Variants in THSD4 observed in about 807,000 individuals in gnomAD.
THSD4 encodes thrombospondin type 1 domain containing 4.
THSD4 carries 69 observed loss-of-function variants against 119.0 expected under a neutral mutation model. The observed-to-expected ratio is 0.58, with a 90% CI of 0.48 to 0.71. THSD4 has a LOEUF of 0.71. Ranked by LOEUF, THSD4 falls within the 30% of genes least tolerant of loss-of-function variation. The pLI, the probability that THSD4 is intolerant of heterozygous loss-of-function variation, is 0.00. For synonymous variants in THSD4, 524 were observed against 540.4 expected, an observed-to-expected ratio of 0.97 and a Z score of 0.42; for missense variants, 1,393 against 1,391.1, an observed-to-expected ratio of 1.00 and a Z score of -0.02.
chr15:71,568,618 T>C (rs2049288770), intron 7 of THSD4, among the ~76,000 whole-genome samples: 3 of 152,028 alleles, frequency 2.0e-5, no homozygotes, highest in African/African-American at 7.2e-5. Flanking sequence ...TACTTTAAGT[T>C]CTAGGGTACA....
At chr15:71,160,032 A>T (rs1305751552) in intron 3 of THSD4, among the ~76,000 whole-genome samples, 1 of 152,110 alleles carries the variant, frequency 6.6e-6, no homozygotes, top group Non-Finnish European at 1.5e-5. Flanking sequence ...TCATGAAGGA[A>T]TGTTGAATTT....
intron 6 of THSD4, among the ~76,000 whole-genome samples, chr15:71,387,115 T>C (rs944161604): frequency 6.6e-5 from 10 of 152,274 alleles, no homozygotes; most frequent in Admixed American, 6.5e-4. Flanking sequence ...TGTTTTAGGC[T>C]TCTTAGGACT....
rs201956251 is a variant in THSD4 at position 71,559,577 on chromosome 15, G to A, written c.1153-100953G>A. Among the ~76,000 whole-genome samples, 5 of 132,856 alleles carry A rather than the reference G, an allele frequency of 3.8e-5. No individual in the cohort carries two copies. The East Asian group carries it at 1.2e-3, about 32-fold the overall frequency. The allele number at this position is 132,856 out of a possible 152,430, so 87.2% of individuals were successfully genotyped here. A position where few individuals can be genotyped will look rare whatever the true frequency, so the allele number is the denominator to read the frequency against. On this transcript the variant is annotated intron_variant, in intron 7 of 17. Coordinates refer to ENST00000261862, the MANE Select transcript of THSD4 (RefSeq NM_024817.3). ...CCTTCTTTTCCTCCTTTTTTTTTTT[G>A]CAATAAATGTTTATTGGGCAAGTAA...
chr15:71,266,458 C>A (rs1421811972), intron 6 of THSD4, among the ~76,000 whole-genome samples: 1 of 152,088 alleles, frequency 6.6e-6, no homozygotes, highest in East Asian at 1.9e-4. Context: ...ATATGAAGGT[C>A]ACCAACATCA....
chr15:71,701,417 G>A (rs1273662198), intron 8 of THSD4, among the ~76,000 whole-genome samples: 1 of 152,146 alleles, frequency 6.6e-6, no homozygotes, highest in Non-Finnish European at 1.5e-5. Context: ...AGTATTGAGT[G>A]TATAATGTAC....
intron 6 of THSD4, among the ~76,000 whole-genome samples, chr15:71,394,375 C>T (rs759717899): frequency 6.7e-6 from 1 of 148,326 alleles, no homozygotes; most frequent in African/African-American, 2.5e-5. Context: ...TGGGTTCAAG[C>T]GATTCTCCTG....
intron 16 of THSD4, among the ~76,000 whole-genome samples, chr15:71,769,290 GC>G (rs1162936333): frequency 6.5e-4 from 1 of 1,534 alleles, no homozygotes; most frequent in Admixed American, 0.012. Flanking sequence ...AGGGAGGTGG[GC>G]GGGGGGTCAG....
intron 6 of THSD4, among the ~76,000 whole-genome samples, chr15:71,383,152 C>T (rs867124209): frequency 1.2e-4 from 18 of 152,234 alleles, no homozygotes; most frequent in South Asian, 4.1e-4. Flanking sequence ...TTGAATTTCT[C>T]CAAATTGCTG....
At chr15:71,440,672 A>C (rs567734871) in intron 7 of THSD4, among the ~76,000 whole-genome samples, 3 of 152,164 alleles carry the variant, frequency 2.0e-5, no homozygotes, top group Admixed American at 2.0e-4. Flanking sequence ...TGATCGTGAC[A>C]TCTAGTGTTC....
intron 1 of THSD4, among the ~76,000 whole-genome samples, chr15:71,127,326 A>G (rs1039928038): frequency 7.2e-5 from 11 of 152,246 alleles, no homozygotes; most frequent in South Asian, 4.1e-4. Context: ...TGATGGACAC[A>G]TAGATTGATT....
At chr15:71,301,345 A>C (rs1460504345) in intron 6 of THSD4, among the ~76,000 whole-genome samples, 2 of 152,114 alleles carry the variant, frequency 1.3e-5, no homozygotes, top group Non-Finnish European at 1.5e-5. Context: ...TTTTCACATA[A>C]TTTTTCACAT....
intron 7 of THSD4, among the ~76,000 whole-genome samples, chr15:71,536,487 C>T (rs888156442): frequency 2.0e-5 from 3 of 152,096 alleles, no homozygotes; most frequent in Non-Finnish European, 4.4e-5. Context: ...CCTTGTTTTC[C>T]CTTTGCTATG....
intron 7 of THSD4, among the ~76,000 whole-genome samples, chr15:71,550,792 T>G (rs2048915337): frequency 5.3e-5 from 8 of 152,226 alleles, no homozygotes; most frequent in Admixed American, 5.2e-4. Context: ...TCTTAGCTGC[T>G]GATGGGTACA....
chr15:71,301,605 C>T (rs977099420), intron 6 of THSD4, among the ~76,000 whole-genome samples: 3 of 152,328 alleles, frequency 2.0e-5, no homozygotes, highest in Admixed American at 6.5e-5. Flanking sequence ...TTCCAAGATT[C>T]TCCTAGCTGT....
intron 2 of THSD4, among the ~76,000 whole-genome samples, chr15:71,153,540 T>C (rs1378250537): frequency 1.3e-5 from 2 of 152,174 alleles, no homozygotes; most frequent in Non-Finnish European, 2.9e-5. Flanking sequence ...AGTCTGTCCA[T>C]GTCTGTTCTG....
At chr15:71,239,688 GA>G (rs1187239579) in intron 4 of THSD4, among the ~76,000 whole-genome samples, 1 of 152,186 alleles carries the variant, frequency 6.6e-6, no homozygotes, top group East Asian at 1.9e-4. Flanking sequence ...CCTACCACAT[GA>G]TTCTCCTGAA....
intron 7 of THSD4, among the ~76,000 whole-genome samples, chr15:71,454,681 C>A (rs1490737103): frequency 2.0e-5 from 3 of 152,216 alleles, no homozygotes; most frequent in Non-Finnish European, 2.9e-5. Flanking sequence ...CGTTAAAATT[C>A]ATTCTAAGTG....
Position 71,298,774 on chromosome 15 carries a change from G to T in THSD4, c.1015+42059G>T, listed in dbSNP as rs575286840. Among the ~76,000 whole-genome samples the T allele has an allele frequency of 3.9e-5, 6 of 152,134 alleles. No homozygotes were observed. The South Asian group carries it at 8.3e-4, about 21-fold the overall frequency. On this transcript the variant is annotated intron_variant, in intron 6 of 17. Coordinates refer to ENST00000261862, the MANE Select transcript of THSD4 (RefSeq NM_024817.3). ...ACTACAGGCACACGCCGCCACACCC[G>T]GCTAATTTTTTGTATTTTAGTAGAG...
chr15:71,157,356 T>C (rs1416421676), intron 3 of THSD4, among the ~76,000 whole-genome samples: 1 of 152,218 alleles, frequency 6.6e-6, no homozygotes, highest in Non-Finnish European at 1.5e-5. Flanking sequence ...TATTTATGCA[T>C]ACAATTTGGT....
Sources: gnomAD v4.1 joint callset for allele counts (sites outside exome capture counted in the v4.1 genomes callset) on GRCh38, gnomAD v4.1.1 for gene constraint, MANE v1.5 for transcripts, NCBI Gene and HGNC (gene_info 2026-07-23, HGNC 2026-07-21) for gene names.